The following GTF2H1 variants were observed in gnomAD, a reference collection of about 807,000 sequenced individuals.
The protein encoded by GTF2H1 is general transcription factor IIH subunit 1, also known as BTF2 p62.
In GTF2H1, 16 loss-of-function variants were observed where a neutral mutation model predicts 71.2. The observed-to-expected ratio is 0.22, with a 90% CI of 0.15 to 0.34. The LOEUF (loss-of-function observed/expected upper bound fraction) is 0.34, where lower values mean the gene tolerates loss of function less well. Ranked by LOEUF, GTF2H1 falls within the 10% of genes least tolerant of loss-of-function variation. GTF2H1 has a pLI of 1.00. For missense variants in GTF2H1, 498 were observed against 648.2 expected, an observed-to-expected ratio of 0.77 and a Z score of 2.52; for synonymous variants, 215 against 219.0, an observed-to-expected ratio of 0.98 and a Z score of 0.16.
intron 9 of GTF2H1, among the ~76,000 whole-genome samples, chr11:18,351,035 G>A (rs1222613322): frequency 6.6e-6 from 1 of 152,116 alleles, no homozygotes; most frequent in African/African-American, 2.4e-5. Flanking sequence ...TACAAATGGT[G>A]TTAGAAGCAC....
Position 18,360,676 on chromosome 11 carries a change from A to G in GTF2H1, c.1529A>G (p.Glu510Gly). 1 of 1,572,546 alleles carries G rather than the reference A, an allele frequency of 6.4e-7. No individual in the cohort carries two copies. Among genetic ancestry groups the G allele is most frequent in the Non-Finnish European group, 8.6e-7 (1 of 1,163,146 alleles). ...FQVTKLCPFQ[E>G]KIRRQYLSTN... is the part of the protein sequence containing the mutation. ...GTTACGAAGCTCTGTCCATTCCAAGAAAAGATTCGGAGACAGTATTTAAGC... is the reference window on the plus strand; with the variant it reads ...GTTACGAAGCTCTGTCCATTCCAAGGAAAGATTCGGAGACAGTATTTAAGC... The change falls in exon 14 of 15, where the codon GAA (glutamate) becomes GGA (glycine). Residue 510 changes from glutamate to glycine, a missense_variant. By Grantham distance (98) the Glu-to-Gly change is moderately conservative. Coordinates refer to ENST00000265963, the MANE Select transcript of GTF2H1 (RefSeq NM_005316.4).
At chr11:18,341,205 G>A (rs1229729973) in intron 5 of GTF2H1, 56 bp from the exon 6 acceptor site, 1 of 1,390,724 alleles carries the variant, frequency 7.2e-7, no homozygotes, top group Non-Finnish European at 1.0e-6. Context: ...TACCTAATTT[G>A]AGAGGTTTTA....
At position 18,339,623 on chromosome 11, in the gene GTF2H1, TATC is replaced by T; in HGVS notation, c.576_578del (p.Ile193del). 1.9e-6 allele frequency: 3 copies of T among 1,611,124 alleles called. No homozygotes were observed. Among genetic ancestry groups the T allele is most frequent in the Non-Finnish European group, 2.5e-6 (3 of 1,177,270 alleles). ...GTCTAAGATATAATTTAACTTCTGATATCATTGAGTCCATATTTAGGACCTATC... is the reference window on the plus strand; with the variant it reads ...GTCTAAGATATAATTTAACTTCTGATATTGAGTCCATATTTAGGACCTATC... On this transcript the variant is annotated inframe_deletion, in exon 5 of 15. Coordinates refer to ENST00000265963, the MANE Select transcript of GTF2H1 (RefSeq NM_005316.4).
chr11:18,362,710 G>T (rs1401271173), intron 14 of GTF2H1, among the ~76,000 whole-genome samples: 2 of 128,854 alleles, frequency 1.6e-5, no homozygotes, highest in Admixed American at 8.9e-5. Flanking sequence ...TAGTTCTGTC[G>T]CCCAGGCTGG....
rs759099272 is a variant in GTF2H1, at chr11:18,347,927, CA to C, written c.1053+15del. 3.1e-6 allele frequency: 5 copies of C among 1,590,348 alleles called. No homozygotes were observed. Among genetic ancestry groups the C allele is most frequent in the Middle Eastern group, 1.7e-4 (1 of 6,024 alleles). ...CAGCCAGCAGTCAAAAGGGTATGGGCAAAAAAATATGAACCATTTGGGGCTC... is the reference window on the plus strand; with the variant it reads ...CAGCCAGCAGTCAAAAGGGTATGGGCAAAAAATATGAACCATTTGGGGCTC... On this transcript the variant is annotated intron_variant, in intron 9 of 14. Transcript: ENST00000265963.
rs748783910 is a variant in GTF2H1, at chr11:18,335,899, G to C, written c.300G>C (p.Leu100=). The change falls in exon 3 of 15, where the codon CTG becomes CTC. Residue 100 remains leucine, a synonymous_variant. Coordinates refer to ENST00000265963, the MANE Select transcript of GTF2H1 (RefSeq NM_005316.4). Reference sequence around the variant, plus strand: ...TAAAAGACCTTCTTCAGCAGCTGCTGCCCAAATTCAAGAGGAAAGCAAATA... The same window carrying C: ...TAAAAGACCTTCTTCAGCAGCTGCTCCCCAAATTCAAGAGGAAAGCAAATA... The part of the protein sequence containing the change: ...DAVKDLLQQL[L]PKFKRKANKE... The C allele has an allele frequency of 6.2e-7, 1 of 1,614,152 alleles. No individual in the cohort carries two copies. Among genetic ancestry groups the C allele is most frequent in the East Asian group, 2.2e-5 (1 of 44,884 alleles).
chr11:18,362,492 T>A (rs1473001593), intron 14 of GTF2H1, among the ~76,000 whole-genome samples: 1 of 152,162 alleles, frequency 6.6e-6, no homozygotes, highest in African/African-American at 2.4e-5. Flanking sequence ...TTTTACCTTA[T>A]AAACTTTTAA....
At chr11:18,337,815 A>G (rs541388026) in intron 3 of GTF2H1, among the ~76,000 whole-genome samples, 2 of 152,320 alleles carry the variant, frequency 1.3e-5, no homozygotes, top group Non-Finnish European at 2.9e-5. Context: ...AGACATGGTG[A>G]TCTTTGAATC....
At chr11:18,346,666 T>A (rs966440652) in intron 7 of GTF2H1, among the ~76,000 whole-genome samples, 2 of 152,098 alleles carry the variant, frequency 1.3e-5, no homozygotes, top group African/African-American at 4.8e-5. Context: ...AGAAAAAGAA[T>A]TTGACTCTTT....
chr11:18,352,181 T>G (rs1004277433), intron 10 of GTF2H1, 148 bp from the exon 11 acceptor site: 1 of 641,434 alleles, frequency 1.6e-6, no homozygotes, highest in Non-Finnish European at 2.8e-6. Context: ...ATTGCCCTTA[T>G]GGGAATTAAA....
chr11:18,359,795 C>T (rs1378828344), intron 13 of GTF2H1, among the ~76,000 whole-genome samples: 1 of 151,840 alleles, frequency 6.6e-6, no homozygotes, highest in East Asian at 1.9e-4. Context: ...ACTGCAGCCG[C>T]TACCTTCTGG....
chr11:18,344,002 T>C (rs1440263018), intron 7 of GTF2H1, among the ~76,000 whole-genome samples: 1 of 152,058 alleles, frequency 6.6e-6, no homozygotes, highest in African/African-American at 2.4e-5. Context: ...CTAATTTTAT[T>C]TTTTGTAGAG....
At chr11:18,331,678 GGT>G (rs1864902840) in intron 1 of GTF2H1, among the ~76,000 whole-genome samples, 1 of 151,728 alleles carries the variant, frequency 6.6e-6, no homozygotes, top group Admixed American at 6.6e-5. Flanking sequence ...AAAAAAAAGA[GGT>G]GATGGTTTAA....
intron 1 of GTF2H1, among the ~76,000 whole-genome samples, chr11:18,332,344 C>T (rs924141207): frequency 6.6e-6 from 1 of 152,208 alleles, no homozygotes; most frequent in Non-Finnish European, 1.5e-5. Flanking sequence ...CAGTTTTTCT[C>T]ACTGAGTCCA....
intron 1 of GTF2H1, chr11:18,326,022 A>G (rs1267266303): frequency 6.6e-6 from 1 of 152,224 alleles, no homozygotes; most frequent in African/African-American, 2.4e-5. Flanking sequence ...AAGGCATTGT[A>G]AGATAGCTAC....
chr11:18,364,114 G>A (rs1291671944), intron 14 of GTF2H1, among the ~76,000 whole-genome samples: 1 of 151,652 alleles, frequency 6.6e-6, no homozygotes, highest in Non-Finnish European at 1.5e-5. Flanking sequence ...GCATAGCCTT[G>A]CAGAAGGATA....
intron 7 of GTF2H1, among the ~76,000 whole-genome samples, chr11:18,342,414 A>G (rs1041821449): frequency 6.6e-6 from 1 of 151,672 alleles, no homozygotes; most frequent in South Asian, 2.1e-4. Flanking sequence ...GGCACGTGCC[A>G]CCACACCCAG....
At chr11:18,350,747 G>A (rs1266220139) in intron 9 of GTF2H1, among the ~76,000 whole-genome samples, 2 of 152,204 alleles carry the variant, frequency 1.3e-5, no homozygotes, top group Non-Finnish European at 1.5e-5. Context: ...GAGTTGACCA[G>A]ATGAATTTCA....
In GTF2H1 at chr11:18,365,938, G is replaced by A; in HGVS notation, c.*69G>A. 9.6e-7 allele frequency: 1 copy of A among 1,044,100 alleles called. No individual in the cohort carries two copies. Among genetic ancestry groups the A allele is most frequent in the Non-Finnish European group, 1.5e-6 (1 of 676,216 alleles). 64.7% of individuals were successfully genotyped at this position (1,044,100 alleles called of 1,614,324 possible). ...TGACCTGCAGCAACTCTGGAAACCT[G>A]GCCTGACAGACAAGCAGATGACCTC... On this transcript the variant is annotated 3_prime_UTR_variant, in exon 15 of 15. Coordinates refer to ENST00000265963, the MANE Select transcript of GTF2H1 (RefSeq NM_005316.4).
Sources: allele counts gnomAD v4.1 joint callset (sites outside exome capture counted in the v4.1 genomes callset), GRCh38; gene constraint gnomAD v4.1.1; transcripts MANE v1.5; gene names NCBI Gene and HGNC (gene_info 2026-07-23, HGNC 2026-07-21).